Variants in PILRB observed in about 807,000 individuals in gnomAD.
The protein encoded by PILRB is paired immunoglobin like type 2 receptor beta, also known as paired immunoglobulin-like type 2 receptor beta.
A neutral mutation model predicts 20.5 loss-of-function variants in PILRB; 21 were observed. The observed-to-expected ratio is 1.02, with a 90% CI of 0.72 to 1.47. The LOEUF (loss-of-function observed/expected upper bound fraction) is 1.47, where lower values mean the gene tolerates loss of function less well. Among genes scored for constraint, PILRB ranks in the 40% most tolerant of loss-of-function variants. The pLI, the probability that PILRB is intolerant of heterozygous loss-of-function variation, is 0.00. For synonymous variants in PILRB, 133 were observed against 115.1 expected (o/e 1.16, Z -0.99); for missense variants, 253 against 272.1 (o/e 0.93, Z 0.49).
intron 3 of PILRB, among the ~76,000 whole-genome samples, chr7:100,360,185 T>G (rs1440001713): frequency 6.6e-6 from 1 of 152,192 alleles, no homozygotes; most frequent in Non-Finnish European, 1.5e-5. Context: ...GGGACCAGAA[T>G]TGGGCTGAGC....
At chr7:100,365,231 C>T (rs1310570956) in intron 3 of PILRB, among the ~76,000 whole-genome samples, 1 of 152,156 alleles carries the variant, frequency 6.6e-6, no homozygotes, top group Non-Finnish European at 1.5e-5. Flanking sequence ...AACTCCTGAC[C>T]TCAGGGGATC....
Position 100,358,798 on chromosome 7 carries a change from C to A in PILRB, c.173C>A (p.Pro58His). 1 of 1,611,858 alleles carries A rather than the reference C, an allele frequency of 6.2e-7. No homozygotes were observed. The highest frequency in any genetic ancestry group is 1.7e-5 in the Admixed American group (1 of 60,006). ...GAAATCCCCTTCTCCTTCTATTACC[C>A]CTGGGAGTTAGCCATAGTTCCCAAC... ...SVEIPFSFYY[P>H]WELAIVPNVR... The change falls in exon 2 of 4, where the codon CCC (proline) becomes CAC (histidine). Residue 58 changes from proline to histidine, a missense_variant. By Grantham distance (77) the Pro-to-His change is moderately conservative. Coordinates refer to ENST00000609309, the MANE Select transcript of PILRB (RefSeq NM_178238.4).
In PILRB at chr7:100,359,669, G is replaced by T. The variant is rs914799026; in HGVS notation, c.655+132G>T. 4.7e-5 allele frequency: 36 copies of T among 762,720 alleles called. No homozygotes were observed. In the African/African-American group the frequency reaches 5.5e-4, roughly 12 times the overall value. The allele number at this position is 762,720 out of a possible 1,614,324, so 47.2% of individuals were successfully genotyped here. A position where few individuals can be genotyped will look rare whatever the true frequency, so the allele number is the denominator to read the frequency against. ...CTCAAGCCCACCAAGGCCGACTCTG[G>T]CCTGTGCTGGGGCGTCTGCATCTCG... On this transcript the variant is annotated intron_variant, in intron 3 of 3. Transcript: ENST00000609309.
At chr7:100,359,631 C>A in intron 3 of PILRB, 94 bp downstream of exon 3, 3 of 1,069,624 alleles carry the variant, frequency 2.8e-6, no homozygotes, top group Non-Finnish European at 4.2e-6. Flanking sequence ...ATATGCAGAC[C>A]CTGCTGGCTC....
rs1276221769 is a variant in PILRB at position 100,358,322 on chromosome 7, T to C, written c.20T>C (p.Leu7Pro). ...AAGGCCATGGGTCGGCCCCTGCTGC[T>C]GCCCCTGCTGCTCCTGCTGCAGCCG... MGRPLL[L>P]PLLLLLQPPA... Residue 7 changes from leucine (L) to proline (P), a missense_variant, in exon 1 of 4, where the codon CTG (leucine) becomes CCG (proline). Coordinates refer to ENST00000609309, the MANE Select transcript of PILRB (RefSeq NM_178238.4). 4 of 1,612,600 alleles carry C rather than the reference T, an allele frequency of 2.5e-6. No homozygotes were observed. Among genetic ancestry groups the C allele is most frequent in the Non-Finnish European group, 8.5e-7 (1 of 1,179,910 alleles).
At chr7:100,362,564 A>G (rs1341003989) in intron 3 of PILRB, among the ~76,000 whole-genome samples, 1 of 151,300 alleles carries the variant, frequency 6.6e-6, no homozygotes, top group African/African-American at 2.4e-5. Flanking sequence ...CCTGGAGTGC[A>G]GTGGTGCCAT....
chr7:100,365,188 C>T lies in PILRB; in HGVS notation c.656-2161C>T, dbSNP rs192477588. Among the ~76,000 whole-genome samples, 60 of 152,114 alleles carry T rather than the reference C, an allele frequency of 3.9e-4. No homozygotes were observed. The East Asian group carries it at 9.1e-3, about 23-fold the overall frequency. On this transcript the variant is annotated intron_variant, in intron 3 of 3. Coordinates refer to ENST00000609309, the MANE Select transcript of PILRB (RefSeq NM_178238.4). Reference sequence around the variant, plus strand: ...CTACTTCTTGCATTTTTAGTAGAGACGGGGTTTCACCATGTTGGCCAGGCT... The same window carrying T: ...CTACTTCTTGCATTTTTAGTAGAGATGGGGTTTCACCATGTTGGCCAGGCT...
chr7:100,362,570 G>A (rs1790559471), intron 3 of PILRB, among the ~76,000 whole-genome samples: 1 of 151,508 alleles, frequency 6.6e-6, no homozygotes, highest in Non-Finnish European at 1.5e-5. Flanking sequence ...GTGCAGTGGT[G>A]CCATCTTGGC....
rs749299066 is a variant in PILRB, at chr7:100,367,422, C to T, written c.*45C>T. ...AGGGATGTGTATTAGCCCCGGAGGA[C>T]GTGATGTGAGACCCGCTTGTGAGTC... On this transcript the variant is annotated 3_prime_UTR_variant, in exon 4 of 4. Coordinates refer to ENST00000609309, the MANE Select transcript of PILRB (RefSeq NM_178238.4). 13 of 779,912 alleles carry T rather than the reference C, an allele frequency of 1.7e-5. 1 individual carries two copies. The East Asian group carries it at 1.9e-4, about 12-fold the overall frequency. The allele number at this position is 779,912 out of a possible 1,614,324, so 48.3% of individuals were successfully genotyped here. A position where few individuals can be genotyped will look rare whatever the true frequency, so the allele number is the denominator to read the frequency against.
intron 3 of PILRB, among the ~76,000 whole-genome samples, chr7:100,360,976 C>T (rs1279927222): frequency 1.5e-4 from 23 of 152,080 alleles, no homozygotes; most frequent in Admixed American, 1.5e-3. Context: ...TGTTCTGTCG[C>T]CCAGGCTGGA....
At chr7:100,358,395 T>G in intron 1 of PILRB, 29 bp downstream of exon 1, 1 of 1,609,406 alleles carries the variant, frequency 6.2e-7, no homozygotes, top group Non-Finnish European at 8.5e-7. Flanking sequence ...CCAGGTATGG[T>G]CTCTGCCCAA....
Sources: allele counts gnomAD v4.1 joint callset (sites outside exome capture counted in the v4.1 genomes callset), GRCh38; gene constraint gnomAD v4.1.1; transcripts MANE v1.5; gene names NCBI Gene and HGNC (gene_info 2026-07-23, HGNC 2026-07-21).